MAGI1: variants seen among roughly 807,000 people sequenced by gnomAD.
MAGI1 encodes membrane-associated guanylate kinase, WW and PDZ domain-containing protein 1.
MAGI1 carries 58 observed loss-of-function variants against 139.9 expected under a neutral mutation model. The ratio of observed to expected loss-of-function variants is 0.41; its 90% CI spans 0.34 to 0.52. The LOEUF (loss-of-function observed/expected upper bound fraction) is 0.52, where lower values mean the gene tolerates loss of function less well. Among genes scored for constraint, MAGI1 ranks in the 20% least tolerant of loss-of-function variants. The pLI is 0.12. For missense variants in MAGI1, 1,874 were observed against 1,901.6 expected (o/e 0.99, Z 0.27); for synonymous variants, 812 against 737.9 (o/e 1.10, Z -1.63).
chr3:65,535,974 C>T (rs1041940049), intron 2 of MAGI1, among the ~76,000 whole-genome samples: 1 of 152,176 alleles, frequency 6.6e-6, no homozygotes, highest in Middle Eastern at 3.2e-3. Flanking sequence ...GTGAGGTGCT[C>T]ACACCATGAG....
At chr3:65,770,836 G>A (rs1437395589) in intron 1 of MAGI1, among the ~76,000 whole-genome samples, 1 of 151,922 alleles carries the variant, frequency 6.6e-6, no homozygotes, top group Non-Finnish European at 1.5e-5. Context: ...CTACAGGCAT[G>A]TGCCACAATG....
chr3:65,561,896 T>G (rs1017900570), intron 2 of MAGI1, among the ~76,000 whole-genome samples: 1 of 152,208 alleles, frequency 6.6e-6, no homozygotes, highest in African/African-American at 2.4e-5. Context: ...TCACTTCCTG[T>G]GGTTTCAGAT....
intron 1 of MAGI1, among the ~76,000 whole-genome samples, chr3:65,636,550 T>C (rs1351909659): frequency 6.6e-6 from 1 of 152,158 alleles, no homozygotes. Context: ...GACAACCCTA[T>C]CACATCTGCC....
At chr3:65,717,017 G>T (rs961505743) in intron 1 of MAGI1, among the ~76,000 whole-genome samples, 1 of 152,174 alleles carries the variant, frequency 6.6e-6, no homozygotes, top group Non-Finnish European at 1.5e-5. Context: ...TGGCAAAAGT[G>T]ACTTTGCCGA....
At chr3:65,792,552 C>G (rs2039859040) in intron 1 of MAGI1, among the ~76,000 whole-genome samples, 1 of 151,812 alleles carries the variant, frequency 6.6e-6, no homozygotes, top group African/African-American at 2.4e-5. Context: ...ATTGTTATAG[C>G]TAGCTATATA....
intron 1 of MAGI1, among the ~76,000 whole-genome samples, chr3:65,928,262 C>T (rs1231434528): frequency 2.6e-5 from 4 of 152,076 alleles, no homozygotes; most frequent in African/African-American, 9.7e-5. Flanking sequence ...TAATACTGGC[C>T]GTGGAGGGAG....
chr3:65,506,422 T>G (rs965973858), intron 2 of MAGI1, among the ~76,000 whole-genome samples: 2 of 152,176 alleles, frequency 1.3e-5, no homozygotes, highest in African/African-American at 4.8e-5. Flanking sequence ...ACTTACTATA[T>G]CTCTAACAAA....
intron 10 of MAGI1, 81 bp from the exon 11 acceptor site, chr3:65,430,962 A>G (rs1947409499): frequency 1.5e-6 from 2 of 1,350,290 alleles, no homozygotes; most frequent in Admixed American, 2.0e-5. Flanking sequence ...CAACATATAG[A>G]TAATTCTTCA....
At chr3:65,855,949 T>A (rs1047970082) in intron 1 of MAGI1, among the ~76,000 whole-genome samples, 1 of 151,940 alleles carries the variant, frequency 6.6e-6, no homozygotes, top group Non-Finnish European at 1.5e-5. Flanking sequence ...GGACATGGTG[T>A]TAGACCAACA....
At chr3:65,627,370 A>G (rs1231091027) in intron 1 of MAGI1, among the ~76,000 whole-genome samples, 1 of 151,998 alleles carries the variant, frequency 6.6e-6, no homozygotes, top group Non-Finnish European at 1.5e-5. Context: ...GACTATATAT[A>G]GAACTTTTTC....
intron 14 of MAGI1, among the ~76,000 whole-genome samples, chr3:65,390,810 G>C (rs1381503951): frequency 1.4e-4 from 21 of 152,180 alleles, no homozygotes; most frequent in Admixed American, 1.4e-3. Flanking sequence ...TCAGATTTGT[G>C]CTCAGAGCAC....
chr3:65,421,165 C>T lies in MAGI1; in HGVS notation c.2167+8355G>A, dbSNP rs372660827. Among the ~76,000 whole-genome samples the T allele has an allele frequency of 2.1e-4, 32 of 152,304 alleles. No homozygotes were observed. The East Asian group carries it at 3.5e-3, about 17-fold the overall frequency. ...CATCTCAAATATAAATGTGACCTGT[C>T]ACTCTACAAAGAATTCTCAAATAAA... On this transcript the variant is annotated intron_variant, in intron 12 of 22. Transcript: ENST00000402939.
At chr3:65,918,203 T>A (rs764111635) in intron 1 of MAGI1, among the ~76,000 whole-genome samples, 22 of 152,148 alleles carry the variant, frequency 1.4e-4, no homozygotes, top group Non-Finnish European at 1.9e-4. Context: ...TCAGTAAACA[T>A]GAATTCCTAT....
intron 1 of MAGI1, among the ~76,000 whole-genome samples, chr3:65,639,006 C>G (rs2084819212): frequency 6.6e-6 from 1 of 152,196 alleles, no homozygotes. Flanking sequence ...GCCTTGGCCT[C>G]CCCAAGTGCT....
intron 1 of MAGI1, among the ~76,000 whole-genome samples, chr3:65,907,441 T>G (rs1329048632): frequency 6.6e-6 from 1 of 152,094 alleles, no homozygotes; most frequent in Non-Finnish European, 1.5e-5. Flanking sequence ...AGTCACCACA[T>G]GCAAAGTACT....
intron 1 of MAGI1, among the ~76,000 whole-genome samples, chr3:65,686,524 C>T (rs1203409571): frequency 2.0e-5 from 3 of 152,134 alleles, no homozygotes; most frequent in Non-Finnish European, 4.4e-5. Context: ...ATCTCCTGAC[C>T]TCATGATACT....
chr3:65,698,840 C>A (rs1397224017), intron 1 of MAGI1, among the ~76,000 whole-genome samples: 14 of 138,098 alleles, frequency 1.0e-4, no homozygotes, highest in African/African-American at 3.5e-4. Flanking sequence ...TCCAAAACAC[C>A]AAAAGCAATG....
At chr3:65,690,099 C>G (rs1343286009) in intron 1 of MAGI1, among the ~76,000 whole-genome samples, 1 of 152,220 alleles carries the variant, frequency 6.6e-6, no homozygotes, top group Non-Finnish European at 1.5e-5. Flanking sequence ...AAAGGACTCA[C>G]TGGGCCCAAA....
intron 1 of MAGI1, among the ~76,000 whole-genome samples, chr3:65,896,371 G>A (rs943149916): frequency 5.9e-5 from 9 of 151,730 alleles, no homozygotes; most frequent in African/African-American, 1.2e-4. Flanking sequence ...TTAGTTATAT[G>A]TGGTTTAGGA....
Sources: gnomAD v4.1 joint callset for allele counts (sites outside exome capture counted in the v4.1 genomes callset) on GRCh38, gnomAD v4.1.1 for gene constraint, MANE v1.5 for transcripts, NCBI Gene and HGNC (gene_info 2026-07-23, HGNC 2026-07-21) for gene names.